The following MEST variants were observed in gnomAD, a reference collection of about 807,000 sequenced individuals.
MEST encodes the protein mesoderm specific transcript.
A neutral mutation model predicts 50.9 loss-of-function variants in MEST; 18 were observed. The observed-to-expected ratio is 0.35, with a 90% CI of 0.24 to 0.52. The LOEUF is 0.52. MEST is among the 20% of genes least tolerant of loss of function. The pLI, the probability that MEST is intolerant of heterozygous loss-of-function variation, is 0.94. For missense variants in MEST, 282 were observed against 425.3 expected, an observed-to-expected ratio of 0.66 and a Z score of 2.96; for synonymous variants, 130 against 154.1, an observed-to-expected ratio of 0.84 and a Z score of 1.16.
At chr7:130,486,371 G>C (rs1798619490) in exon 1 of MEST, 1 of 152,326 alleles carries the variant, frequency 6.6e-6, no homozygotes, top group South Asian at 2.1e-4. Flanking sequence ...ATGGAGTCCT[G>C]TAGGCAAGGT....
At position 130,495,365 on chromosome 7, in the gene MEST, C is replaced by T; in HGVS notation, c.27-3C>T. 6.2e-7 allele frequency: 1 copy of T among 1,601,284 alleles called. No homozygotes were observed. The highest frequency in any genetic ancestry group is 2.2e-5 in the East Asian group (1 of 44,470). On this transcript the variant is annotated splice_polypyrimidine_tract_variant and splice_region_variant and intron_variant, in intron 1 of 11. Coordinates refer to ENST00000223215, the MANE Select transcript of MEST (RefSeq NM_002402.4). Reference sequence around the variant, plus strand: ...TTACAGTGGGTCTCTGCTTTTCCTACAGGATGAGGGAGTGGTGGGTCCAGG... The same window carrying T: ...TTACAGTGGGTCTCTGCTTTTCCTATAGGATGAGGGAGTGGTGGGTCCAGG...
intron 6 of MEST, among the ~76,000 whole-genome samples, chr7:130,499,081 G>A (rs1413531663): frequency 2.6e-5 from 4 of 152,236 alleles, no homozygotes; most frequent in African/African-American, 4.8e-5. Flanking sequence ...GCTTAAAGCC[G>A]AAGTTTCCAA....
At chr7:130,496,566 G>A (rs995630171) in intron 2 of MEST, 5 of 183,796 alleles carry the variant, frequency 2.7e-5, no homozygotes, top group African/African-American at 1.2e-4. Flanking sequence ...CTTCCATATT[G>A]TCATATGCAT....
At chr7:130,491,858 G>A (rs2116222115), upstream of MEST, among the ~76,000 whole-genome samples, 1 of 152,258 alleles carries the variant, frequency 6.6e-6, no homozygotes, top group Non-Finnish European at 1.5e-5. The surrounding 1 kb of genome is among the most constrained non-coding windows in gnomAD (Gnocchi z 6.8). Flanking sequence ...GGCGGTTAAC[G>A]AGGGAGCAGC....
intron 4 of MEST, 42 bp from the exon 5 acceptor site, chr7:130,498,097 C>G (rs1390855471): frequency 6.2e-7 from 1 of 1,614,070 alleles, no homozygotes; most frequent in Non-Finnish European, 8.5e-7. Flanking sequence ...GAGAGCTGTC[C>G]TCATGACTTC....
At chr7:130,489,271 G>A (rs1192419366), upstream of MEST, 2 of 152,250 alleles carry the variant, frequency 1.3e-5, no homozygotes, top group Non-Finnish European at 2.9e-5. Context: ...TGACAAGAAT[G>A]TGTGATAAGC....
In MEST at chr7:130,505,898, TC is replaced by T. The variant is rs1213406884; in HGVS notation, c.*843del. The T allele has an allele frequency of 6.6e-6, 1 of 152,260 alleles. No homozygotes were observed. The highest frequency in any genetic ancestry group is 1.5e-5 in the Non-Finnish European group (1 of 68,038). 9.4% of individuals were successfully genotyped at this position (152,260 alleles called of 1,614,324 possible). On this transcript the variant is annotated 3_prime_UTR_variant, in exon 12 of 12. Transcript: ENST00000223215. Reference sequence around the variant, plus strand: ...ATAACAGTCTGAGACTCCTCATACCTCAGTGGTTAGAAGCATGTCTCTCTTG... The same window carrying T: ...ATAACAGTCTGAGACTCCTCATACCTAGTGGTTAGAAGCATGTCTCTCTTG...
upstream of MEST, chr7:130,488,592 C>T (rs1193629749): frequency 2.0e-5 from 3 of 152,202 alleles, no homozygotes; most frequent in Non-Finnish European, 4.4e-5. Flanking sequence ...TCCGAGCTGC[C>T]GTATCTCTCT....
chr7:130,495,778 G>GTTTT (rs71178591), intron 2 of MEST: 28,736 of 189,110 alleles, frequency 0.15, 2,902 homozygotes, highest in Non-Finnish European at 0.2. Context: ...TCCAATATTA[G>GTTTT]TTTTTTTTTT....
Position 130,505,057 on chromosome 7 carries a change from G to C in MEST, c.*1G>C. 1.3e-6 allele frequency: 2 copies of C among 1,599,814 alleles called. No individual in the cohort carries two copies. Among genetic ancestry groups the C allele is most frequent in the African/African-American group, 1.3e-5 (1 of 74,760 alleles). ...TATGGGCTTCATCAACTCCTTCTGA[G>C]CTGGAAAGAGTAGCTTCCCTGTATT... On this transcript the variant is annotated 3_prime_UTR_variant, in exon 12 of 12. Coordinates refer to ENST00000223215, the MANE Select transcript of MEST (RefSeq NM_002402.4).
chr7:130,488,766 G>T (rs1356626121), upstream of MEST: 1 of 152,182 alleles, frequency 6.6e-6, no homozygotes, highest in Non-Finnish European at 1.5e-5. Context: ...ATTCCTATTT[G>T]TCTCTGTTTC....
At chr7:130,489,942 TC>T (rs1236004556), upstream of MEST, 4 of 152,202 alleles carry the variant, frequency 2.6e-5, no homozygotes, top group African/African-American at 4.8e-5. Flanking sequence ...AAAATTGCCT[TC>T]ATCTTGGATG....
chr7:130,495,780 T>G (rs1355041254), intron 2 of MEST: 4 of 278,376 alleles, frequency 1.4e-5, no homozygotes, highest in African/African-American at 4.8e-5. Context: ...CAATATTAGT[T>G]TTTTTTTTTT....
Position 130,492,210 on chromosome 7 carries a change from G to A in MEST, c.-104G>A. 9.8e-7 allele frequency: 1 copy of A among 1,021,690 alleles called. No homozygotes were observed. Among genetic ancestry groups the A allele is most frequent in the South Asian group, 4.6e-5 (1 of 21,744 alleles). 63.3% of individuals were successfully genotyped at this position (1,021,690 alleles called of 1,614,324 possible). The stretch of plus-strand genomic sequence containing the variant: ...CGGCGCCGCCCTGCGCGGGCTGTGG[G>A]CTGCGGGCTGCGCCCCCGCTGCTGG... On this transcript the variant is annotated 5_prime_UTR_variant, in exon 1 of 12. Transcript: ENST00000223215. The surrounding 1 kb of genome is among the most constrained non-coding windows in gnomAD (Gnocchi z 7.6).
Position 130,500,684 on chromosome 7 carries a change from G to A in MEST, c.648-105G>A. On this transcript the variant is annotated intron_variant, in intron 8 of 11. Transcript: ENST00000223215. This position sits in a 1 kb window ranked among gnomAD's most constrained non-coding sequence, Gnocchi z 5.0. Reference sequence around the variant, plus strand: ...TAGAAGGAATTCATAAATCACTTATGGGTCAGACTGCATGGCCCAGACTGC... The same window carrying A: ...TAGAAGGAATTCATAAATCACTTATAGGTCAGACTGCATGGCCCAGACTGC... 2 of 1,184,512 alleles carry A rather than the reference G, an allele frequency of 1.7e-6. No homozygotes were observed. The highest frequency in any genetic ancestry group is 2.4e-6 in the Non-Finnish European group (2 of 828,216). The allele number at this position is 1,184,512 out of a possible 1,614,324, so 73.4% of individuals were successfully genotyped here.
chr7:130,500,908 G>C lies in MEST; in HGVS notation c.749+18G>C. ...ATTGACAGGTAAGAAGTTACCCTTT[G>C]CTTTGGTTTCCAGAGACGTGTTTTT... On this transcript the variant is annotated intron_variant, in intron 9 of 11. Transcript: ENST00000223215. This position sits in a 1 kb window ranked among gnomAD's most constrained non-coding sequence, Gnocchi z 5.0. 1.2e-6 allele frequency: 2 copies of C among 1,606,898 alleles called. No individual in the cohort carries two copies. The highest frequency in any genetic ancestry group is 1.7e-6 in the Non-Finnish European group (2 of 1,175,372).
intron 9 of MEST, chr7:130,501,125 C>T: frequency 2.5e-6 from 1 of 395,054 alleles, no homozygotes; most frequent in Non-Finnish European, 4.5e-6. Context: ...TGAAAGTAGC[C>T]TAGTGCCTCC....
In MEST at chr7:130,495,398, G is replaced by A; in HGVS notation, c.57G>A (p.Leu19=). The change falls in exon 2 of 12, where the codon CTG becomes CTA. Residue 19 remains leucine (L), a synonymous_variant. Coordinates refer to ENST00000223215, the MANE Select transcript of MEST (RefSeq NM_002402.4). ...RMREWWVQVG[L]LAVPLLAAYL... is the part of the protein sequence containing the mutation. ...GGGAGTGGTGGGTCCAGGTGGGGCT[G>A]CTGGCCGTGCCCCTGCTTGCTGCGT... 1 of 1,612,558 alleles carries A rather than the reference G, an allele frequency of 6.2e-7. No homozygotes were observed. The highest frequency in any genetic ancestry group is 1.7e-5 in the Admixed American group (1 of 59,886).
chr7:130,498,733 G>C, intron 6 of MEST: 1 of 567,998 alleles, frequency 1.8e-6, no homozygotes, highest in South Asian at 2.1e-5. Context: ...ATAAAAAGCT[G>C]CATTATAGTC....
Sources: gnomAD v4.1 joint callset for allele counts (sites outside exome capture counted in the v4.1 genomes callset) on GRCh38, gnomAD v4.1.1 for gene constraint, Gnocchi (gnomAD v3.1) non-coding constraint, MANE v1.5 for transcripts, NCBI Gene and HGNC (gene_info 2026-07-23, HGNC 2026-07-21) for gene names.